ZNF423: variants seen among roughly 807,000 people sequenced by gnomAD.
ZNF423 encodes zinc finger protein 423, also known as Ebf-associated zinc finger protein.
ZNF423 carries 12 observed loss-of-function variants against 95.8 expected under a neutral mutation model. That is an observed-to-expected ratio of 0.13 (90% CI 0.08 to 0.20). The LOEUF (loss-of-function observed/expected upper bound fraction) is 0.20, where lower values mean the gene tolerates loss of function less well. Among genes scored for constraint, ZNF423 ranks in the 10% least tolerant of loss-of-function variants. The pLI is 1.00. For missense variants in ZNF423, 1,316 were observed against 1,737.1 expected (o/e 0.76, Z 4.31); for synonymous variants, 749 against 711.9 (o/e 1.05, Z -0.83).
chr16:49,545,775 G>T (rs1317699014), intron 5 of ZNF423, among the ~76,000 whole-genome samples: 2 of 152,188 alleles, frequency 1.3e-5, no homozygotes, highest in African/African-American at 4.8e-5. Context: ...AGTTAATAAA[G>T]ATTAGCTCTC....
intron 3 of ZNF423, among the ~76,000 whole-genome samples, chr16:49,719,762 C>G (rs1183314939): frequency 1.3e-5 from 2 of 152,234 alleles, no homozygotes; most frequent in Non-Finnish European, 2.9e-5. Context: ...GCTGCCTGTA[C>G]AGCCTGAGGA....
At chr16:49,529,514 C>T (rs1436929622) in intron 5 of ZNF423, among the ~76,000 whole-genome samples, 5 of 152,174 alleles carry the variant, frequency 3.3e-5, no homozygotes, top group African/African-American at 9.7e-5. Context: ...CAGGCTGAAA[C>T]TGTGTCAGCC....
At chr16:49,601,122 A>G (rs1330515007) in intron 5 of ZNF423, among the ~76,000 whole-genome samples, 2 of 152,206 alleles carry the variant, frequency 1.3e-5, no homozygotes, top group Non-Finnish European at 2.9e-5. Context: ...GGAAGGGCCC[A>G]TGTGCTGACG....
chr16:49,617,877 A>G (rs1971929121), intron 5 of ZNF423, among the ~76,000 whole-genome samples: 1 of 151,976 alleles, frequency 6.6e-6, no homozygotes, highest in Admixed American at 6.6e-5. Context: ...CCTCCCTCCC[A>G]GTGCACTTTT....
intron 5 of ZNF423, among the ~76,000 whole-genome samples, chr16:49,547,716 G>A (rs185195817): frequency 5.4e-4 from 83 of 152,340 alleles, no homozygotes; most frequent in Non-Finnish European, 8.8e-4. Flanking sequence ...AGCACAGCAG[G>A]TAAATGCTGG....
intron 5 of ZNF423, among the ~76,000 whole-genome samples, chr16:49,578,109 T>C (rs1970555174): frequency 6.6e-6 from 1 of 152,110 alleles, no homozygotes; most frequent in Non-Finnish European, 1.5e-5. Flanking sequence ...GGCATGCCAT[T>C]GTCCAAGGCT....
rs548700142 is a variant in ZNF423, at chr16:49,558,667, C to T, written c.3602-33173G>A. On this transcript the variant is annotated intron_variant, in intron 5 of 7. Coordinates refer to ENST00000563137, the MANE Select transcript of ZNF423 (RefSeq NM_001379286.1). Reference sequence around the variant, plus strand: ...ACACACACCCACACACACGCACACACTTGTACATGCACACACATCCCACGT... The same window carrying T: ...ACACACACCCACACACACGCACACATTTGTACATGCACACACATCCCACGT... 3.9e-5 allele frequency among the ~76,000 whole-genome samples: 6 copies of T among 152,354 alleles called. No individual in the cohort carries two copies. In the South Asian group the frequency reaches 8.3e-4, roughly 21 times the overall value.
intron 1 of ZNF423, among the ~76,000 whole-genome samples, chr16:49,802,661 C>A (rs2034600735): frequency 6.6e-6 from 1 of 152,194 alleles, no homozygotes; most frequent in Admixed American, 6.5e-5. Context: ...CCCACCCCAC[C>A]TGCCCTGCCT....
At chr16:49,821,318 T>C (rs1466014203) in intron 1 of ZNF423, among the ~76,000 whole-genome samples, 1 of 152,102 alleles carries the variant, frequency 6.6e-6, no homozygotes, top group Non-Finnish European at 1.5e-5. Context: ...CCAAATGTCA[T>C]CTGGGGCTGG....
chr16:49,502,790 G>GACACAC (rs72202996), intron 7 of ZNF423, among the ~76,000 whole-genome samples: 43 of 135,350 alleles, frequency 3.2e-4, no homozygotes, highest in African/African-American at 8.5e-4. Context: ...AAATACTCTA[G>GACACAC]ACACACACAC....
intron 5 of ZNF423, among the ~76,000 whole-genome samples, chr16:49,622,569 C>A (rs910128740): frequency 1.3e-5 from 2 of 152,188 alleles, no homozygotes; most frequent in African/African-American, 4.8e-5. Context: ...GCCCAGGGGG[C>A]CCTGTTCTGG....
intron 7 of ZNF423, among the ~76,000 whole-genome samples, chr16:49,518,879 A>AC (rs1248754140): frequency 1.3e-5 from 2 of 152,244 alleles, no homozygotes; most frequent in South Asian, 2.1e-4. Flanking sequence ...GTATCATGAG[A>AC]CCCCACCTAT....
At chr16:49,578,550 C>A (rs11643007) in intron 5 of ZNF423, among the ~76,000 whole-genome samples, 17,309 of 152,148 alleles carry the variant, frequency 0.11, 1,074 homozygotes, top group East Asian at 0.14. Context: ...GTTTGTTTCT[C>A]TATTTCCCAG....
At chr16:49,639,529 C>T (rs1223099828) in intron 3 of ZNF423, among the ~76,000 whole-genome samples, 1 of 152,150 alleles carries the variant, frequency 6.6e-6, no homozygotes, top group Non-Finnish European at 1.5e-5. Context: ...GGGAAGGGAA[C>T]CTAGGGCACT....
intron 3 of ZNF423, among the ~76,000 whole-genome samples, chr16:49,650,562 AGTG>A (rs1973362150): frequency 2.0e-5 from 3 of 152,206 alleles, no homozygotes; most frequent in Admixed American, 1.3e-4. Flanking sequence ...AACTCTGTGC[AGTG>A]GTGGTGGTCA....
chr16:49,556,887 C>T (rs1969845513), intron 5 of ZNF423, among the ~76,000 whole-genome samples: 1 of 152,184 alleles, frequency 6.6e-6, no homozygotes, highest in African/African-American at 2.4e-5. Flanking sequence ...TGAAACAGTA[C>T]CACGGGGATC....
intron 1 of ZNF423, among the ~76,000 whole-genome samples, chr16:49,803,098 A>G (rs2143911228): frequency 6.6e-6 from 1 of 152,062 alleles, no homozygotes; most frequent in African/African-American, 2.4e-5. Context: ...CTACAGAAAA[A>G]TAAAAAAAAA....
At chr16:49,773,885 T>TG (rs1390112465) in intron 2 of ZNF423, among the ~76,000 whole-genome samples, 1 of 152,194 alleles carries the variant, frequency 6.6e-6, no homozygotes, top group Non-Finnish European at 1.5e-5. Flanking sequence ...GACAACCACA[T>TG]GGGCCTTGGG....
At chr16:49,787,441 G>A (rs1000841721) in intron 2 of ZNF423, among the ~76,000 whole-genome samples, 2 of 152,104 alleles carry the variant, frequency 1.3e-5, no homozygotes, top group Non-Finnish European at 2.9e-5. Context: ...AACTGGCACC[G>A]TGGCGAGCCA....
Sources: gnomAD v4.1 joint callset for allele counts (sites outside exome capture counted in the v4.1 genomes callset) on GRCh38, gnomAD v4.1.1 for gene constraint, MANE v1.5 for transcripts, NCBI Gene and HGNC (gene_info 2026-07-23, HGNC 2026-07-21) for gene names.